The following ELMOD1 variants were observed in gnomAD, a reference collection of about 807,000 sequenced individuals.
ELMOD1 encodes the protein ELMO domain containing 1, also known as ELMO domain-containing protein 1.
In ELMOD1, 21 loss-of-function variants were observed where a neutral mutation model predicts 46.7. The ratio of observed to expected loss-of-function variants is 0.45; its 90% CI spans 0.32 to 0.65. ELMOD1 has a LOEUF of 0.65. Ranked by LOEUF, ELMOD1 falls within the 30% of genes least tolerant of loss-of-function variation. The probability of loss-of-function intolerance (pLI) is 0.04; values close to 1 mark genes in which losing one functional copy is unlikely to be tolerated. For missense variants in ELMOD1, 348 were observed against 407.8 expected, an observed-to-expected ratio of 0.85 and a Z score of 1.26; for synonymous variants, 122 against 138.2, an observed-to-expected ratio of 0.88 and a Z score of 0.82.
intron 1 of ELMOD1, among the ~76,000 whole-genome samples, chr11:107,603,187 G>C (rs1865631535): frequency 6.6e-6 from 1 of 152,180 alleles, no homozygotes; most frequent in Non-Finnish European, 1.5e-5. Context: ...ATGGAGAGGG[G>C]TTATGCCTAA....
chr11:107,637,987 T>A (rs1866258985), intron 6 of ELMOD1, among the ~76,000 whole-genome samples: 1 of 152,174 alleles, frequency 6.6e-6, no homozygotes. Flanking sequence ...AGCATGGCAT[T>A]TTGGAGGCTT....
At chr11:107,650,853 C>T (rs1866513807) in intron 8 of ELMOD1, 32 bp from the exon 9 acceptor site, 6 of 1,078,286 alleles carry the variant, frequency 5.6e-6, no homozygotes, top group African/African-American at 1.7e-5. Context: ...TTTTCATTTA[C>T]TTTTCTAATT....
chr11:107,650,439 T>G (rs1316995567), intron 8 of ELMOD1, 36 bp downstream of exon 8: 6 of 1,422,748 alleles, frequency 4.2e-6, no homozygotes, highest in Non-Finnish European at 5.8e-6. Context: ...TTAGGTTTTA[T>G]GGGTTAGATC....
At chr11:107,624,389 G>T (rs946428885) in intron 2 of ELMOD1, among the ~76,000 whole-genome samples, 7 of 152,204 alleles carry the variant, frequency 4.6e-5, no homozygotes, top group African/African-American at 1.7e-4. Context: ...GGCGGCTCAT[G>T]CCTATAATCC....
intron 9 of ELMOD1, among the ~76,000 whole-genome samples, chr11:107,653,164 A>G (rs1236471720): frequency 6.6e-6 from 1 of 152,156 alleles, no homozygotes; most frequent in Non-Finnish European, 1.5e-5. Flanking sequence ...ATACTGAATA[A>G]AGGTTACATC....
At chr11:107,664,916 C>T (rs1431915859) in intron 11 of ELMOD1, 109 bp from the exon 12 acceptor site, 53 of 980,292 alleles carry the variant, frequency 5.4e-5, no homozygotes, top group Non-Finnish European at 6.7e-5. Context: ...TTGAGCTCCA[C>T]GGTTGCTGTG....
chr11:107,646,516 C>T (rs1048407655), intron 6 of ELMOD1, among the ~76,000 whole-genome samples: 22 of 152,120 alleles, frequency 1.4e-4, no homozygotes, highest in Admixed American at 1.4e-3. Flanking sequence ...AGGCAGATCA[C>T]TGGAGTTCAG....
chr11:107,606,824 A>G (rs891520016), intron 1 of ELMOD1, among the ~76,000 whole-genome samples: 1 of 152,204 alleles, frequency 6.6e-6, no homozygotes, highest in Non-Finnish European at 1.5e-5. Flanking sequence ...GTCTCAAAAA[A>G]AAAAACCTAC....
intron 2 of ELMOD1, among the ~76,000 whole-genome samples, chr11:107,624,506 C>G (rs1866008277): frequency 6.6e-6 from 1 of 152,090 alleles, no homozygotes; most frequent in Non-Finnish European, 1.5e-5. Flanking sequence ...CAAAAATTAG[C>G]TGAGCATTGT....
intron 2 of ELMOD1, among the ~76,000 whole-genome samples, chr11:107,626,240 A>G (rs12226290): frequency 0.1 from 15,634 of 151,964 alleles, 1,106 homozygotes; most frequent in East Asian, 0.25. Flanking sequence ...AGAGCCATAA[A>G]CCCCCTGAGC....
chr11:107,655,886 TTTC>T (rs755029697), intron 10 of ELMOD1, 44 bp from the exon 11 acceptor site: 1 of 1,572,884 alleles, frequency 6.4e-7, no homozygotes, highest in East Asian at 2.3e-5. Flanking sequence ...GAAATACTTA[TTTC>T]TTCTATGTGA....
In ELMOD1 at chr11:107,635,687, C is replaced by G; in HGVS notation, c.342C>G (p.Asn114Lys). 6.2e-7 allele frequency: 1 copy of G among 1,613,908 alleles called. No individual in the cohort carries two copies. The highest frequency in any genetic ancestry group is 1.3e-5 in the African/African-American group (1 of 75,030). Residue 114 changes from asparagine to lysine, a missense_variant, in exon 6 of 12, where the codon AAC (asparagine) becomes AAG (lysine). Coordinates refer to ENST00000265840, the MANE Select transcript of ELMOD1 (RefSeq NM_018712.4). ...ACLLQIVGYR[N>K]LIADVEKLRR... ...TTCTGCAAATCGTTGGGTACAGGAA[C>G]CTTATTGCAGATGTGGAAAAACTGC... is the stretch of plus-strand genomic sequence containing the variant.
intron 10 of ELMOD1, 53 bp from the exon 11 acceptor site, chr11:107,655,880 T>C (rs1472784179): frequency 6.4e-7 from 1 of 1,562,802 alleles, no homozygotes; most frequent in African/African-American, 1.4e-5. Context: ...TAATGGGAAA[T>C]ACTTATTTCT....
intron 2 of ELMOD1, among the ~76,000 whole-genome samples, chr11:107,629,197 G>C (rs374487043): frequency 6.6e-6 from 1 of 152,238 alleles, no homozygotes; most frequent in South Asian, 2.1e-4. Context: ...GAAGCTATTG[G>C]AACCAGAGCA....
At chr11:107,598,758 A>G (rs902910069) in intron 1 of ELMOD1, among the ~76,000 whole-genome samples, 1 of 152,170 alleles carries the variant, frequency 6.6e-6, no homozygotes, top group Non-Finnish European at 1.5e-5. Context: ...GTGGCAGTAG[A>G]GGTGTCTTTA....
intron 6 of ELMOD1, among the ~76,000 whole-genome samples, chr11:107,645,938 A>C (rs1405600501): frequency 1.2e-4 from 18 of 152,228 alleles, no homozygotes. Flanking sequence ...GGTATGTGAC[A>C]ATTTGATTTA....
intron 10 of ELMOD1, among the ~76,000 whole-genome samples, chr11:107,655,521 C>T (rs1459229617): frequency 6.9e-6 from 1 of 145,602 alleles, no homozygotes; most frequent in Non-Finnish European, 1.5e-5. Flanking sequence ...TGACCTGCCA[C>T]TCTGATAATT....
At chr11:107,603,637 A>G (rs1223912514) in intron 1 of ELMOD1, among the ~76,000 whole-genome samples, 4 of 151,674 alleles carry the variant, frequency 2.6e-5, no homozygotes, top group African/African-American at 7.3e-5. Flanking sequence ...GGGCACCTCT[A>G]ACTCCTGAAC....
At chr11:107,628,162 T>TTTTTG (rs142600860) in intron 2 of ELMOD1, among the ~76,000 whole-genome samples, 32 of 150,474 alleles carry the variant, frequency 2.1e-4, no homozygotes, top group African/African-American at 6.0e-4. Context: ...CTGAGGGGTT[T>TTTTTG]TTTTGTTTTG....
Sources: allele counts gnomAD v4.1 joint callset (sites outside exome capture counted in the v4.1 genomes callset), GRCh38; gene constraint gnomAD v4.1.1; transcripts MANE v1.5; gene names NCBI Gene and HGNC (gene_info 2026-07-23, HGNC 2026-07-21).